Variants in LYZL2 observed in about 807,000 individuals in gnomAD.
LYZL2 encodes lysozyme like 2.
LYZL2 carries 13 observed loss-of-function variants against 17.1 expected under a neutral mutation model. The observed-to-expected ratio is 0.76, with a 90% CI of 0.49 to 1.21. LYZL2 has a LOEUF of 1.21. Among genes scored for constraint, LYZL2 ranks in the 50% most tolerant of loss-of-function variants. LYZL2 has a pLI of 0.00. For synonymous variants in LYZL2, 63 were observed against 74.4 expected, an observed-to-expected ratio of 0.85 and a Z score of 0.79; for missense variants, 166 against 189.2, an observed-to-expected ratio of 0.88 and a Z score of 0.72.
At chr10:30,620,177 A>G (rs1371601026) in intron 3 of LYZL2, among the ~76,000 whole-genome samples, 1 of 152,230 alleles carries the variant, frequency 6.6e-6, no homozygotes, top group African/African-American at 2.4e-5. Flanking sequence ...GAACACACAA[A>G]AAATAAAAAT....
intron 3 of LYZL2, among the ~76,000 whole-genome samples, chr10:30,622,216 C>T (rs1261709425): frequency 6.6e-6 from 1 of 151,990 alleles, no homozygotes; most frequent in Admixed American, 6.6e-5. Flanking sequence ...GAATAGATGG[C>T]ACAAACAGAA....
At chr10:30,622,780 T>C (rs898732920) in intron 3 of LYZL2, among the ~76,000 whole-genome samples, 20 of 152,190 alleles carry the variant, frequency 1.3e-4, no homozygotes, top group African/African-American at 4.8e-4. Context: ...CTGAAAAGCC[T>C]AAAATATTTA....
chr10:30,606,238 C>T, the LYZL2 span, among the ~76,000 whole-genome samples: 1 of 151,998 alleles, frequency 6.6e-6, no homozygotes, highest in East Asian at 1.9e-4. Flanking sequence ...TTGAACATGC[C>T]TTTATTTCAC....
At chr10:30,608,505 C>T (rs928242603), downstream of LYZL2, among the ~76,000 whole-genome samples, 2 of 152,112 alleles carry the variant, frequency 1.3e-5, no homozygotes, top group African/African-American at 2.4e-5. Flanking sequence ...ATATGGAACG[C>T]AGGTGAAGGG....
At chr10:30,612,175 G>C in intron 4 of LYZL2, 151 bp from the exon 5 acceptor site, 1 of 954,726 alleles carries the variant, frequency 1.0e-6, no homozygotes, top group Non-Finnish European at 1.6e-6. Flanking sequence ...CTGTCATTTT[G>C]CCTAGTTCAG....
At chr10:30,627,078 C>T (rs1261860923) in intron 1 of LYZL2, 138 bp from the exon 2 acceptor site, 2 of 1,260,314 alleles carry the variant, frequency 1.6e-6, no homozygotes, top group Admixed American at 5.3e-5. Flanking sequence ...GAAAACCGGC[C>T]ACTCTACGGT....
chr10:30,611,571 GA>G (rs1564405870), downstream of LYZL2, among the ~76,000 whole-genome samples: 1,446 of 62,348 alleles, frequency 0.023, 7 homozygotes, highest in Non-Finnish European at 0.03. Context: ...AGGAAGGAAG[GA>G]AAGAAAGAAA....
chr10:30,628,324 A>G (rs1838752632), intron 1 of LYZL2, among the ~76,000 whole-genome samples: 1 of 152,192 alleles, frequency 6.6e-6, no homozygotes, highest in South Asian at 2.1e-4. Flanking sequence ...AAGCTTCACA[A>G]CCAGTGCTCC....
At chr10:30,610,163 A>G (rs1838416211), downstream of LYZL2, among the ~76,000 whole-genome samples, 1 of 152,200 alleles carries the variant, frequency 6.6e-6, no homozygotes, top group Admixed American at 6.5e-5. Context: ...ATATTTTAAG[A>G]AAGTCTACTA....
chr10:30,617,494 G>T (rs1024338566), intron 3 of LYZL2, among the ~76,000 whole-genome samples: 1 of 151,758 alleles, frequency 6.6e-6, no homozygotes, highest in African/African-American at 2.4e-5. Context: ...TGGCCAACAT[G>T]GCAAAACCTG....
chr10:30,623,633 T>C (rs548043244), intron 3 of LYZL2, among the ~76,000 whole-genome samples: 33 of 152,284 alleles, frequency 2.2e-4, no homozygotes, highest in African/African-American at 7.7e-4. Flanking sequence ...CTTATGAGAA[T>C]CTAATGCCTG....
chr10:30,628,507 T>C (rs1394269001), intron 1 of LYZL2, among the ~76,000 whole-genome samples: 4 of 152,132 alleles, frequency 2.6e-5, no homozygotes, highest in Non-Finnish European at 5.9e-5. Context: ...CCTACTGATT[T>C]TCCACAATCT....
intron 3 of LYZL2, among the ~76,000 whole-genome samples, chr10:30,614,506 A>G (rs146877331): frequency 0.034 from 5,216 of 152,332 alleles, 132 homozygotes; most frequent in South Asian, 0.05. Flanking sequence ...TGCTCATCAC[A>G]CAACTGCAGC....
At position 30,612,391 on chromosome 10, in the gene LYZL2, G is replaced by A. The variant is rs183897484; in HGVS notation, c.378-367C>T. On this transcript the variant is annotated intron_variant, in intron 4 of 4. Transcript: ENST00000647634. ...TGCTGGGGACGCTTTCTGCTGAGTC[G>A]CCATGACACAGACCTGCTCACTTTC... Among the ~76,000 whole-genome samples the A allele has an allele frequency of 5.9e-5, 9 of 152,254 alleles. No individual in the cohort carries two copies. The East Asian group carries it at 1.4e-3, about 23-fold the overall frequency.
rs201403089 is a variant in LYZL2 at position 30,626,982 on chromosome 10, G to A, written c.-25-42C>T. The A allele has an allele frequency of 1.1e-5, 17 of 1,609,014 alleles. No individual in the cohort carries two copies. The African/African-American group carries it at 2.0e-4, about 19-fold the overall frequency. ...GAACAGGTCAGACGATCTTGATTCA[G>A]GAACTTCGAAATCCAGCATCGGTGA... On this transcript the variant is annotated intron_variant, in intron 1 of 4. Transcript: ENST00000647634.
intron 1 of LYZL2, among the ~76,000 whole-genome samples, chr10:30,627,521 ATAGT>A (rs1012837415): frequency 2.6e-5 from 4 of 152,056 alleles, no homozygotes; most frequent in African/African-American, 9.7e-5. Flanking sequence ...CTATTAACAA[ATAGT>A]TAATATTTAC....
chr10:30,620,659 C>T (rs985427783), intron 3 of LYZL2, among the ~76,000 whole-genome samples: 2 of 152,006 alleles, frequency 1.3e-5, no homozygotes, highest in African/African-American at 4.8e-5. Context: ...AGAAAAAGAT[C>T]GGTCAAGGGC....
chr10:30,606,293 G>GA, the LYZL2 span, among the ~76,000 whole-genome samples: 8 of 150,570 alleles, frequency 5.3e-5, no homozygotes, highest in Non-Finnish European at 1.2e-4. Flanking sequence ...GGTCCTGTTA[G>GA]AAATCACCTG....
chr10:30,607,338 T>A (rs923124090), downstream of LYZL2, among the ~76,000 whole-genome samples: 2 of 152,038 alleles, frequency 1.3e-5, no homozygotes, highest in Admixed American at 6.6e-5. Context: ...ACCCAGCGTT[T>A]CTTTTGGGTT....
Sources: allele counts gnomAD v4.1 joint callset (sites outside exome capture counted in the v4.1 genomes callset), GRCh38; gene constraint gnomAD v4.1.1; transcripts MANE v1.5; gene names NCBI Gene and HGNC (gene_info 2026-07-23, HGNC 2026-07-21).